The following CCSER1 variants were observed in gnomAD, a reference collection of about 807,000 sequenced individuals.
CCSER1 encodes the protein coiled-coil serine rich protein 1.
CCSER1 carries 41 observed loss-of-function variants against 82.0 expected under a neutral mutation model. That is an observed-to-expected ratio of 0.50 (90% CI 0.39 to 0.65). The LOEUF (loss-of-function observed/expected upper bound fraction) is 0.65, where lower values mean the gene tolerates loss of function less well. Ranked by LOEUF, CCSER1 falls within the 30% of genes least tolerant of loss-of-function variation. The pLI, the probability that CCSER1 is intolerant of heterozygous loss-of-function variation, is 0.00. For missense variants in CCSER1, 1,119 were observed against 1,064.2 expected (o/e 1.05, Z -0.72); for synonymous variants, 414 against 383.9 (o/e 1.08, Z -0.92).
chr4:91,079,647 C>T (rs1202638010), intron 9 of CCSER1, among the ~76,000 whole-genome samples: 1 of 152,134 alleles, frequency 6.6e-6, no homozygotes, highest in Non-Finnish European at 1.5e-5. Context: ...AGTCAGGACC[C>T]ATCAGTGTGC....
At chr4:91,172,009 A>G (rs1198552546) in intron 10 of CCSER1, among the ~76,000 whole-genome samples, 1 of 152,080 alleles carries the variant, frequency 6.6e-6, no homozygotes, top group Non-Finnish European at 1.5e-5. Flanking sequence ...AATAAAAAAA[A>G]TCCTATTATT....
Position 90,477,414 on chromosome 4 carries a change from A to G in CCSER1, c.1724+9060A>G, listed in dbSNP as rs142741715. Among the ~76,000 whole-genome samples the G allele has an allele frequency of 5.3e-4, 80 of 152,300 alleles. No individual in the cohort carries two copies. The East Asian group carries it at 0.01, about 19-fold the overall frequency. On this transcript the variant is annotated intron_variant, in intron 5 of 10. Transcript: ENST00000509176. ...TGTAAGGTCATTGTGAAAGTATTCA[A>G]TTTTCAAAGTAAAGCAGGTAGAATC...
At chr4:90,849,790 TAAAAAAAAAAAA>T (rs750879193) in intron 8 of CCSER1, among the ~76,000 whole-genome samples, 1 of 76,984 alleles carries the variant, frequency 1.3e-5, no homozygotes, top group East Asian at 4.0e-4. Context: ...CTCCATCTCA[TAAAAAAAAAAAA>T]AAAAAAAAAG....
intron 5 of CCSER1, among the ~76,000 whole-genome samples, chr4:90,518,001 T>TA (rs551101226): frequency 6.6e-5 from 10 of 151,842 alleles, no homozygotes; most frequent in Admixed American, 6.6e-5. Context: ...AAGCAAGCAT[T>TA]AAAAAAAACA....
intron 10 of CCSER1, among the ~76,000 whole-genome samples, chr4:91,192,682 A>T (rs1581745546): frequency 6.6e-6 from 1 of 152,210 alleles, no homozygotes; most frequent in Middle Eastern, 3.4e-3. Flanking sequence ...GCTTCTGTTG[A>T]CAAAGATTCT....
chr4:91,521,524 A>C (rs1760470901), intron 10 of CCSER1, among the ~76,000 whole-genome samples: 1 of 152,076 alleles, frequency 6.6e-6, no homozygotes, highest in Non-Finnish European at 1.5e-5. Context: ...TGTTTCTCCA[A>C]ATCCTCTCCA....
chr4:90,334,434 A>G (rs11097246), intron 3 of CCSER1, among the ~76,000 whole-genome samples: 42,987 of 151,914 alleles, frequency 0.28, 6,472 homozygotes, highest in African/African-American at 0.38. Context: ...AGAGTAAAAA[A>G]TACTTTACAT....
At chr4:90,190,931 T>C (rs2153396271) in intron 1 of CCSER1, among the ~76,000 whole-genome samples, 1 of 152,164 alleles carries the variant, frequency 6.6e-6, no homozygotes, top group South Asian at 2.1e-4. Context: ...AATATAAACT[T>C]TATATGTAAT....
At chr4:90,456,184 G>T (rs980366886) in intron 4 of CCSER1, among the ~76,000 whole-genome samples, 1 of 152,028 alleles carries the variant, frequency 6.6e-6, no homozygotes, top group Admixed American at 6.5e-5. Flanking sequence ...AAGGTGCCTG[G>T]GGAAAAAACC....
Position 90,365,781 on chromosome 4 carries a change from C to T in CCSER1, c.1510-34255C>T, listed in dbSNP as rs1294485531. Among the ~76,000 whole-genome samples the T allele has an allele frequency of 4.4e-4, 67 of 151,860 alleles. 1 individual carries two copies. Among genetic ancestry groups the T allele is most frequent in the Admixed American group, 4.4e-3 (67 of 15,250 alleles). Reference sequence around the variant, plus strand: ...TTTTAAACCATGTTTAAAGTAAATACATATTTAAATATTCCTGCTTGATAA... The same window carrying T: ...TTTTAAACCATGTTTAAAGTAAATATATATTTAAATATTCCTGCTTGATAA... On this transcript the variant is annotated intron_variant, in intron 3 of 10. Coordinates refer to ENST00000509176, the MANE Select transcript of CCSER1 (RefSeq NM_001145065.2).
chr4:90,956,345 G>C (rs923817512), intron 9 of CCSER1, among the ~76,000 whole-genome samples: 2 of 151,990 alleles, frequency 1.3e-5, no homozygotes, highest in Non-Finnish European at 2.9e-5. Context: ...TCTTCGTATA[G>C]AAAAAATAGG....
At chr4:90,320,829 C>G (rs1379583974) in intron 3 of CCSER1, among the ~76,000 whole-genome samples, 11 of 152,090 alleles carry the variant, frequency 7.2e-5, no homozygotes, top group Non-Finnish European at 1.5e-4. Flanking sequence ...ATAGTTTATT[C>G]ATACACTTAA....
At chr4:90,134,573 A>G (rs1723341872) in intron 1 of CCSER1, among the ~76,000 whole-genome samples, 1 of 152,236 alleles carries the variant, frequency 6.6e-6, no homozygotes, top group South Asian at 2.1e-4. Flanking sequence ...GTGTGCGTTC[A>G]TGCAGAGAAA....
intron 1 of CCSER1, among the ~76,000 whole-genome samples, chr4:90,128,325 G>C (rs1722179928): frequency 6.6e-6 from 1 of 152,154 alleles, no homozygotes; most frequent in Non-Finnish European, 1.5e-5. Flanking sequence ...GGGGCTCCCG[G>C]AGGAACCGCA....
chr4:91,016,387 T>G (rs1377420748), intron 9 of CCSER1, among the ~76,000 whole-genome samples: 1 of 152,014 alleles, frequency 6.6e-6, no homozygotes, highest in Non-Finnish European at 1.5e-5. Flanking sequence ...ACAGAATAAT[T>G]ATTCCTTGCA....
At position 91,548,635 on chromosome 4, in the gene CCSER1, G is replaced by C. The variant is rs141995067; in HGVS notation, c.2218-49937G>C. On this transcript the variant is annotated intron_variant, in intron 10 of 10. Coordinates refer to ENST00000509176, the MANE Select transcript of CCSER1 (RefSeq NM_001145065.2). ...TAATTTCTCATGGTATGTAATTCTA[G>C]GTTTGTGGGTTTTTCTCTCTCAATA... 3.2e-3 allele frequency among the ~76,000 whole-genome samples: 480 copies of C among 151,410 alleles called. 4 individuals carry two copies. The highest frequency in any genetic ancestry group is 0.011 in the African/African-American group (470 of 41,288).
At chr4:91,274,077 G>A (rs1742237068) in intron 10 of CCSER1, among the ~76,000 whole-genome samples, 1 of 152,026 alleles carries the variant, frequency 6.6e-6, no homozygotes, top group Non-Finnish European at 1.5e-5. Context: ...TATAAAGTCT[G>A]GGTTCAGTAA....
At chr4:90,515,283 A>G (rs575828922) in intron 5 of CCSER1, among the ~76,000 whole-genome samples, 1 of 152,352 alleles carries the variant, frequency 6.6e-6, no homozygotes, top group South Asian at 2.1e-4. Flanking sequence ...CTTGTTGATT[A>G]TAGTTTTTGG....
chr4:91,301,711 C>T lies in CCSER1; in HGVS notation c.2217+215717C>T, dbSNP rs561130596. Among the ~76,000 whole-genome samples the T allele has an allele frequency of 1.5e-4, 23 of 151,906 alleles. No individual in the cohort carries two copies. The East Asian group carries it at 4.5e-3, about 30-fold the overall frequency. On this transcript the variant is annotated intron_variant, in intron 10 of 10. Coordinates refer to ENST00000509176, the MANE Select transcript of CCSER1 (RefSeq NM_001145065.2). ...TACTTTTTAGAGAAAGTCACATTCA[C>T]CAATGGATAAGAATCATTTTAAAAC...
Sources: allele counts gnomAD v4.1 joint callset (sites outside exome capture counted in the v4.1 genomes callset), GRCh38; gene constraint gnomAD v4.1.1; transcripts MANE v1.5; gene names NCBI Gene and HGNC (gene_info 2026-07-23, HGNC 2026-07-21).